Variants in CAMK2B observed in about 807,000 individuals in gnomAD.
The protein encoded by CAMK2B is calcium/calmodulin-dependent protein kinase type II subunit beta.
Under a neutral mutation model 93.7 loss-of-function variants are expected in CAMK2B, and 27 were observed. That is an observed-to-expected ratio of 0.29 (90% CI 0.21 to 0.40). CAMK2B has a LOEUF of 0.40. Ranked by LOEUF, CAMK2B falls within the 10% of genes least tolerant of loss-of-function variation. The pLI, the probability that CAMK2B is intolerant of heterozygous loss-of-function variation, is 1.00. For synonymous variants in CAMK2B, 374 were observed against 358.8 expected, an observed-to-expected ratio of 1.04 and a Z score of -0.48; for missense variants, 568 against 895.8, an observed-to-expected ratio of 0.63 and a Z score of 4.67.
chr7:44,239,976 C>T (rs1430542825), intron 12 of CAMK2B, among the ~76,000 whole-genome samples: 1 of 152,170 alleles, frequency 6.6e-6, no homozygotes, highest in African/African-American at 2.4e-5. Context: ...CACGCGTTCC[C>T]GGCATTACAG....
At chr7:44,287,615 A>G (rs546293069) in intron 1 of CAMK2B, among the ~76,000 whole-genome samples, 3 of 152,334 alleles carry the variant, frequency 2.0e-5, no homozygotes, top group Non-Finnish European at 4.4e-5. Context: ...CTTCTCCAAG[A>G]GCAAAGAAGC....
intron 1 of CAMK2B, among the ~76,000 whole-genome samples, chr7:44,302,393 T>G (rs1335433654): frequency 6.6e-6 from 1 of 152,162 alleles, no homozygotes; most frequent in Non-Finnish European, 1.5e-5. Flanking sequence ...ACTTCCTAAC[T>G]CATTCTATGA....
intron 21 of CAMK2B, 23 bp downstream of exon 21, chr7:44,220,803 C>CT: frequency 1.3e-6 from 2 of 1,559,312 alleles, no homozygotes; most frequent in Non-Finnish European, 1.7e-6. Flanking sequence ...CTGCACAGCC[C>CT]CCCCCCAGCC....
Position 44,243,495 on chromosome 7 carries a change from T to C in CAMK2B, c.447A>G (p.Lys149=), listed in dbSNP as rs1430578048. ...PENLLLASKC[K]GAAVKLADFG... ...AGTCTGCCAGCTTCACTGCAGCCCC[T>C]TTGCACTTGCTGGCCAGAAGCAGGT... is the stretch of plus-strand genomic sequence containing the variant. Residue 149 remains lysine (K), a synonymous_variant, in exon 7 of 24, where the codon AAA becomes AAG. Transcript: ENST00000395749. The C allele has an allele frequency of 1.2e-6, 2 of 1,613,984 alleles. No individual in the cohort carries two copies. The highest frequency in any genetic ancestry group is 3.3e-5 in the Admixed American group (2 of 60,014).
chr7:44,246,526 T>C (rs1562888639), intron 6 of CAMK2B, among the ~76,000 whole-genome samples: 1 of 151,908 alleles, frequency 6.6e-6, no homozygotes, highest in East Asian at 1.9e-4. Flanking sequence ...CCCACACATG[T>C]ACACACTTGT....
intron 2 of CAMK2B, among the ~76,000 whole-genome samples, chr7:44,279,646 T>A (rs535293891): frequency 1.3e-5 from 2 of 152,242 alleles, no homozygotes; most frequent in Non-Finnish European, 2.9e-5. Context: ...AGGCCTGTGA[T>A]GAGCCACAGG....
At position 44,240,744 on chromosome 7, in the gene CAMK2B, G is replaced by A; in HGVS notation, c.909C>T (p.Ala303=). The change falls in exon 12 of 24, where the codon GCC becomes GCT. Residue 303 remains alanine (A), a synonymous_variant. Transcript: ENST00000395749. ...GTGTGGCCAGCATGGTGGTGAGGATGGCTCCCTGGGGAGAGACACAGATAA... is the reference window on the plus strand; with the variant it reads ...GTGTGGCCAGCATGGTGGTGAGGATAGCTCCCTGGGGAGAGACACAGATAA... The part of the protein sequence containing the change: ...KFNARRKLKG[A]ILTTMLATRN... 1 of 1,613,918 alleles carries A rather than the reference G, an allele frequency of 6.2e-7. No individual in the cohort carries two copies. Among genetic ancestry groups the A allele is most frequent in the Non-Finnish European group, 8.5e-7 (1 of 1,179,944 alleles).
At chr7:44,297,612 A>G (rs1788639267) in intron 1 of CAMK2B, among the ~76,000 whole-genome samples, 1 of 152,214 alleles carries the variant, frequency 6.6e-6, no homozygotes, top group Non-Finnish European at 1.5e-5. Flanking sequence ...CTATTTAAAC[A>G]TGAAGACACA....
chr7:44,238,062 A>C (rs980171411), intron 13 of CAMK2B, among the ~76,000 whole-genome samples: 3 of 152,168 alleles, frequency 2.0e-5, no homozygotes, highest in Admixed American at 6.5e-5. Context: ...ATGGTACTAG[A>C]CTCAGCTGCC....
intron 2 of CAMK2B, among the ~76,000 whole-genome samples, chr7:44,279,712 G>A (rs531636016): frequency 3.3e-5 from 5 of 152,356 alleles, no homozygotes; most frequent in Admixed American, 6.5e-5. Context: ...TCTCCAGGGC[G>A]CAGCCATCCT....
intron 2 of CAMK2B, among the ~76,000 whole-genome samples, chr7:44,266,313 C>A (rs2096920947): frequency 6.6e-6 from 1 of 152,210 alleles, no homozygotes; most frequent in African/African-American, 2.4e-5. Context: ...AGCTTCCTAA[C>A]TCTGTGGACA....
In CAMK2B at chr7:44,299,641, A is replaced by G. The variant is rs546821704; in HGVS notation, c.66-15416T>C. ...TGAACTGTCTACATTAATTAGAGAA[A>G]ACAATCATTTTAGGATCAATAATTT... On this transcript the variant is annotated intron_variant, in intron 1 of 23. Transcript: ENST00000395749. Among the ~76,000 whole-genome samples, 735 of 152,312 alleles carry G rather than the reference A, an allele frequency of 4.8e-3. 4 individuals are homozygous for G. The highest frequency in any genetic ancestry group is 9.1e-3 in the South Asian group (44 of 4,826).
In CAMK2B at chr7:44,240,892, C is replaced by T. The variant is rs547989306; in HGVS notation, c.904-143G>A. ...ACATGACCTCAGCCTTCCAGAGAGG[C>T]AAGAGCTCCAGGAAGCCAGCAGCCG... On this transcript the variant is annotated intron_variant, in intron 11 of 23. Coordinates refer to ENST00000395749, the MANE Select transcript of CAMK2B (RefSeq NM_001220.5). 17 of 813,022 alleles carry T rather than the reference C, an allele frequency of 2.1e-5. No homozygotes were observed. In the South Asian group the frequency reaches 2.6e-4, roughly 13 times the overall value. 50.4% of individuals were successfully genotyped at this position (813,022 alleles called of 1,614,324 possible).
chr7:44,221,401 G>A (rs1320879536), intron 20 of CAMK2B, among the ~76,000 whole-genome samples: 1 of 152,208 alleles, frequency 6.6e-6, no homozygotes, highest in Non-Finnish European at 1.5e-5. Flanking sequence ...CTGAGTGCAG[G>A]CACCAGGCGA....
intron 1 of CAMK2B, among the ~76,000 whole-genome samples, chr7:44,310,993 C>T (rs529544151): frequency 1.3e-5 from 2 of 152,128 alleles, no homozygotes; most frequent in Non-Finnish European, 2.9e-5. Flanking sequence ...GGTATGTAGC[C>T]GTTATCTCTG....
At chr7:44,220,019 C>A in intron 23 of CAMK2B, 41 bp downstream of exon 23, 1 of 1,480,052 alleles carries the variant, frequency 6.8e-7, no homozygotes. Flanking sequence ...ACACCACCGC[C>A]ACCCCTCTGC....
chr7:44,266,443 G>A (rs891752402), intron 2 of CAMK2B, among the ~76,000 whole-genome samples: 1 of 152,246 alleles, frequency 6.6e-6, no homozygotes, highest in Non-Finnish European at 1.5e-5. Context: ...CAGTGCATAA[G>A]AAATGTGCCC....
In CAMK2B at chr7:44,271,407, G is replaced by A. The variant is rs1187337807; in HGVS notation, c.161-8343C>T. On this transcript the variant is annotated intron_variant, in intron 2 of 23. Transcript: ENST00000395749. The surrounding 1 kb of genome is among the most constrained non-coding windows in gnomAD (Gnocchi z 4.2). The stretch of plus-strand genomic sequence containing the variant: ...AGCCCTGTGTGGCACTGAGCAGCTC[G>A]GCCAGAACCTGATAGGACATCCTGG... Among the ~76,000 whole-genome samples, 2 of 152,216 alleles carry A rather than the reference G, an allele frequency of 1.3e-5. No individual in the cohort carries two copies. Among genetic ancestry groups the A allele is most frequent in the Non-Finnish European group, 2.9e-5 (2 of 68,046 alleles).
intron 1 of CAMK2B, among the ~76,000 whole-genome samples, chr7:44,320,283 C>T (rs1343136617): frequency 1.3e-5 from 2 of 152,260 alleles, no homozygotes; most frequent in African/African-American, 2.4e-5. Context: ...TCATGGTGAG[C>T]AGCCGGCCAA....
Sources: allele counts gnomAD v4.1 joint callset (sites outside exome capture counted in the v4.1 genomes callset), GRCh38; gene constraint gnomAD v4.1.1; non-coding constraint Gnocchi (gnomAD v3.1); transcripts MANE v1.5; gene names NCBI Gene and HGNC (gene_info 2026-07-23, HGNC 2026-07-21).